SLC5A12: variants seen among roughly 807,000 people sequenced by gnomAD.
SLC5A12 encodes the protein solute carrier family 5 member 12.
In SLC5A12, 46 loss-of-function variants were observed where a neutral mutation model predicts 72.7. That is an observed-to-expected ratio of 0.63 (90% CI 0.50 to 0.81). The LOEUF is 0.81. Ranked by LOEUF, SLC5A12 falls within the 30% of genes least tolerant of loss-of-function variation. The probability of loss-of-function intolerance (pLI) is 0.00; values close to 1 mark genes in which losing one functional copy is unlikely to be tolerated. For missense variants in SLC5A12, 683 were observed against 740.7 expected (o/e 0.92, Z 0.90); for synonymous variants, 275 against 264.4 (o/e 1.04, Z -0.39).
chr11:26,686,093 T>C (rs1232704053), intron 10 of SLC5A12, among the ~76,000 whole-genome samples: 6 of 152,282 alleles, frequency 3.9e-5, no homozygotes, highest in Admixed American at 2.0e-4. Context: ...GCCCAGAACA[T>C]AGTAAGTGTT....
intron 9 of SLC5A12, among the ~76,000 whole-genome samples, chr11:26,689,668 T>G (rs1357182934): frequency 1.3e-5 from 2 of 152,210 alleles, no homozygotes; most frequent in Non-Finnish European, 2.9e-5. Flanking sequence ...TAGGTGAATT[T>G]TTTTTTACAT....
intron 9 of SLC5A12, among the ~76,000 whole-genome samples, chr11:26,686,982 G>T (rs1173712781): frequency 2.6e-5 from 4 of 152,132 alleles, no homozygotes; most frequent in Non-Finnish European, 1.5e-5. Context: ...GTTAAATAAT[G>T]TCTACACATT....
chr11:26,671,192 T>G lies in SLC5A12; in HGVS notation c.1767A>C (p.Gly589=). ...KQGAESVLQN[G]LRRESLVHVP... ...CATGTACCAGGCTTTCTCTTCTGAG[T>G]CCGTTCTGTAAGACAGATTCAGCCC... Residue 589 remains glycine, a synonymous_variant, in exon 15 of 15, where the codon GGA becomes GGC. Transcript: ENST00000396005. The G allele has an allele frequency of 1.2e-6, 2 of 1,612,322 alleles. No homozygotes were observed. Among genetic ancestry groups the G allele is most frequent in the South Asian group, 1.1e-5 (1 of 90,864 alleles).
At chr11:26,678,439 G>A (rs894038376) in intron 13 of SLC5A12, among the ~76,000 whole-genome samples, 1 of 151,936 alleles carries the variant, frequency 6.6e-6, no homozygotes, top group African/African-American at 2.4e-5. Flanking sequence ...GAGTGCAATG[G>A]CACCATCTCA....
At chr11:26,711,690 C>T (rs10835062) in intron 2 of SLC5A12, among the ~76,000 whole-genome samples, 72,297 of 151,968 alleles carry the variant, frequency 0.48, 21,050 homozygotes, top group Non-Finnish European at 0.65. Context: ...CTGATGCACG[C>T]GTCACAGTGA....
chr11:26,673,669 ATTGG>A, intron 13 of SLC5A12, 140 bp from the exon 14 acceptor site: 1 of 1,137,536 alleles, frequency 8.8e-7, no homozygotes, highest in Non-Finnish European at 1.2e-6. Flanking sequence ...ATAAACAGAA[ATTGG>A]TTAACTGCTG....
intron 1 of SLC5A12, among the ~76,000 whole-genome samples, chr11:26,716,703 C>T (rs1855358060): frequency 6.6e-6 from 1 of 152,108 alleles, no homozygotes; most frequent in Non-Finnish European, 1.5e-5. Context: ...TCCCTCCCCA[C>T]ATCCAATTCA....
At chr11:26,700,639 C>T (rs1028775956) in intron 6 of SLC5A12, among the ~76,000 whole-genome samples, 8 of 151,248 alleles carry the variant, frequency 5.3e-5, no homozygotes, top group Admixed American at 3.3e-4. Context: ...GGAGATGGGA[C>T]GTGATACCCT....
intron 3 of SLC5A12, among the ~76,000 whole-genome samples, chr11:26,710,202 A>G (rs199653128): frequency 6.6e-6 from 1 of 152,048 alleles, no homozygotes; most frequent in Non-Finnish European, 1.5e-5. Flanking sequence ...TGAACTCATC[A>G]TTTTTATGGC....
intron 12 of SLC5A12, among the ~76,000 whole-genome samples, chr11:26,679,393 T>C (rs1167209882): frequency 6.6e-6 from 1 of 151,988 alleles, no homozygotes; most frequent in African/African-American, 2.4e-5. Flanking sequence ...ATACAGTAAG[T>C]ATAGGCAGGA....
chr11:26,670,924 T>C lies in SLC5A12; in HGVS notation c.*178A>G. On this transcript the variant is annotated 3_prime_UTR_variant, in exon 15 of 15. Transcript: ENST00000396005. ...GAAAGTTGGAGTCTTTCAAAGAATA[T>C]CCCGAGAGACAGTCATTTTGCATGT... 2.0e-6 allele frequency: 1 copy of C among 498,594 alleles called. No homozygotes were observed. The highest frequency in any genetic ancestry group is 3.3e-6 in the Non-Finnish European group (1 of 306,574). The allele number at this position is 498,594 out of a possible 1,614,324, so 30.9% of individuals were successfully genotyped here.
At chr11:26,711,633 A>G (rs553261537) in intron 2 of SLC5A12, among the ~76,000 whole-genome samples, 1 of 152,242 alleles carries the variant, frequency 6.6e-6, no homozygotes, top group Non-Finnish European at 1.5e-5. Context: ...AGGGATACAA[A>G]AATAGACTTA....
rs1854081808 is a variant in SLC5A12 at position 26,669,217 on chromosome 11, T to TTCTTTCTTTCTTTCTC, written c.*1884_*1885insGAGAAAGAAAGAAAGA. ...TTTCTTTCTTTCTTTCTTTCTTTCT[T>TTCTTTCTTTCTTTCTC]TCTCTCTCTCCCTCCCTCTTTCTTT... On this transcript the variant is annotated 3_prime_UTR_variant, in exon 15 of 15. Coordinates refer to ENST00000396005, the MANE Select transcript of SLC5A12 (RefSeq NM_178498.4). The TTCTTTCTTTCTTTCTC allele has an allele frequency of 1.2e-5, 1 of 81,624 alleles. No individual in the cohort carries two copies. The highest frequency in any genetic ancestry group is 2.7e-5 in the Non-Finnish European group (1 of 37,540). The allele number at this position is 81,624 out of a possible 1,614,324, so 5.1% of individuals were successfully genotyped here. A position where few individuals can be genotyped will look rare whatever the true frequency, so the allele number is the denominator to read the frequency against.
At chr11:26,708,725 A>C (rs1029808116) in intron 4 of SLC5A12, among the ~76,000 whole-genome samples, 2 of 152,086 alleles carry the variant, frequency 1.3e-5, no homozygotes, top group African/African-American at 4.8e-5. Flanking sequence ...GTTTAACTAA[A>C]CTATATATAA....
chr11:26,673,657 T>A, intron 13 of SLC5A12, 128 bp from the exon 14 acceptor site: 1 of 1,236,812 alleles, frequency 8.1e-7, no homozygotes, highest in Non-Finnish European at 1.1e-6. Flanking sequence ...ATTGAGTGGT[T>A]AATAAACAGA....
At chr11:26,704,591 T>C (rs1855040887) in intron 4 of SLC5A12, among the ~76,000 whole-genome samples, 1 of 152,160 alleles carries the variant, frequency 6.6e-6, no homozygotes, top group African/African-American at 2.4e-5. Flanking sequence ...GGTGATTGTG[T>C]GGAGAATCAA....
At chr11:26,701,979 G>C (rs921687580) in intron 6 of SLC5A12, among the ~76,000 whole-genome samples, 2 of 152,046 alleles carry the variant, frequency 1.3e-5, no homozygotes, top group African/African-American at 4.8e-5. Context: ...AGAGAAATTA[G>C]GCATATTCAC....
intron 13 of SLC5A12, among the ~76,000 whole-genome samples, chr11:26,677,260 G>A (rs117748224): frequency 0.038 from 5,790 of 152,262 alleles, 168 homozygotes; most frequent in Non-Finnish European, 0.056. Context: ...TGGAGAAAAA[G>A]AAAACAAAGG....
At chr11:26,712,565 T>G in intron 2 of SLC5A12, 76 bp downstream of exon 2, 1 of 1,112,638 alleles carries the variant, frequency 9.0e-7, no homozygotes, top group Non-Finnish European at 1.3e-6. Flanking sequence ...TAGCTGAGTT[T>G]ATTGCCCCCA....
Sources: gnomAD v4.1 joint callset for allele counts (sites outside exome capture counted in the v4.1 genomes callset) on GRCh38, gnomAD v4.1.1 for gene constraint, MANE v1.5 for transcripts, NCBI Gene and HGNC (gene_info 2026-07-23, HGNC 2026-07-21) for gene names.